Variants in DLGAP3 observed in about 807,000 individuals in gnomAD.
DLGAP3 encodes disks large-associated protein 3.
In DLGAP3, 17 loss-of-function variants were observed where a neutral mutation model predicts 81.2. The ratio of observed to expected loss-of-function variants is 0.21; its 90% confidence interval spans 0.14 to 0.31. The LOEUF (loss-of-function observed/expected upper bound fraction) is 0.31, where lower values mean the gene tolerates loss of function less well. Ranked by LOEUF, DLGAP3 falls within the 10% of genes least tolerant of loss-of-function variation. DLGAP3 has a pLI of 1.00. For missense variants in DLGAP3, 1,124 were observed against 1,388.0 expected (o/e 0.81, Z 3.02); for synonymous variants, 577 against 587.4 (o/e 0.98, Z 0.26).
chr1:34,905,048 C>T lies in DLGAP3; in HGVS notation c.336G>A (p.Lys112=). Residue 112 remains lysine (K), a synonymous_variant, in exon 3 of 12, where the codon AAG becomes AAA. Coordinates refer to ENST00000373347, the MANE Select transcript of DLGAP3 (RefSeq NM_001080418.3). The part of the protein sequence containing the change: ...CEDCVGHPQG[K]GAPRLPPTLL... ...GTGTAGGAGGCAGGCGGGGGGCACC[C>T]TTGCCCTGTGGGTGGCCCACACAGT... 1 of 1,600,774 alleles carries T rather than the reference C, an allele frequency of 6.2e-7. No individual in the cohort carries two copies. Among genetic ancestry groups the T allele is most frequent in the Non-Finnish European group, 8.5e-7 (1 of 1,173,852 alleles).
intron 1 of DLGAP3, among the ~76,000 whole-genome samples, chr1:34,921,036 A>C (rs1639788062): frequency 6.6e-6 from 1 of 152,220 alleles, no homozygotes; most frequent in African/African-American, 2.4e-5. Flanking sequence ...TGAGTTGCCT[A>C]GAGAGCATTT....
chr1:34,897,853 C>G (rs570574610), intron 5 of DLGAP3, among the ~76,000 whole-genome samples: 1 of 152,132 alleles, frequency 6.6e-6, no homozygotes, highest in African/African-American at 2.4e-5. Context: ...GCAGGATCAG[C>G]TGAAGGATTG....
At position 34,873,256 on chromosome 1, in the gene DLGAP3, A is replaced by C. The variant is rs1038918975; in HGVS notation, c.2001-4167T>G. Among the ~76,000 whole-genome samples the C allele has an allele frequency of 2.6e-5, 4 of 152,210 alleles. No homozygotes were observed. The highest frequency in any genetic ancestry group is 9.6e-5 in the African/African-American group (4 of 41,454). ...GCTGGGGTTTGGCTTGGAAGTGGAC[A>C]GAAGTCCCACCAGTTGACCCCAATC... On this transcript the variant is annotated intron_variant, in intron 8 of 11. Transcript: ENST00000373347. The surrounding 1 kb of genome is among the most constrained non-coding windows in gnomAD (Gnocchi z 4.2).
Position 34,868,901 on chromosome 1 carries a change from G to T in DLGAP3, c.2189C>A (p.Thr730Lys). The change falls in exon 9 of 12, where the codon ACG becomes AAG. Residue 730 changes from threonine (T) to lysine (K), a missense_variant. Physicochemically the swap from Thr to Lys is moderately conservative, Grantham distance 78. Coordinates refer to ENST00000373347, the MANE Select transcript of DLGAP3 (RefSeq NM_001080418.3). The surrounding 1 kb of genome is among the most constrained non-coding windows in gnomAD (Gnocchi z 7.5). ...PRAPTYSVFR[T>K]VHTQGQWAYR... Reference sequence around the variant, plus strand: ...GGCCCACTGGCCCTGCGTGTGGACCGTGCGGAAGACTGAGTAGGTGGGGGC... The same window carrying T: ...GGCCCACTGGCCCTGCGTGTGGACCTTGCGGAAGACTGAGTAGGTGGGGGC... 1 of 1,606,160 alleles carries T rather than the reference G, an allele frequency of 6.2e-7. No homozygotes were observed. The highest frequency in any genetic ancestry group is 8.5e-7 in the Non-Finnish European group (1 of 1,179,512).
rs747185481 is a variant in DLGAP3, at chr1:34,868,249, G to A, written c.2485+356C>T. Reference sequence around the variant, plus strand: ...TGCCTCCCTCTCTGTAATCTTGGTCGCACCACCTGGATCCCCACACCAGTC... The same window carrying A: ...TGCCTCCCTCTCTGTAATCTTGGTCACACCACCTGGATCCCCACACCAGTC... On this transcript the variant is annotated intron_variant, in intron 9 of 11. Transcript: ENST00000373347. This position sits in a 1 kb window ranked among gnomAD's most constrained non-coding sequence, Gnocchi z 7.5. Among the ~76,000 whole-genome samples the A allele has an allele frequency of 2.0e-5, 3 of 152,030 alleles. No individual in the cohort carries two copies. The highest frequency in any genetic ancestry group is 1.3e-4 in the Admixed American group (2 of 15,270).
At chr1:34,866,698 T>C (rs1397565071) in intron 11 of DLGAP3, among the ~76,000 whole-genome samples, 2 of 152,058 alleles carry the variant, frequency 1.3e-5, no homozygotes, top group African/African-American at 4.8e-5. Flanking sequence ...CCCTCAAGGC[T>C]CTGCCGTCGA....
At chr1:34,926,783 G>A (rs1384029831) in intron 1 of DLGAP3, among the ~76,000 whole-genome samples, 1 of 152,104 alleles carries the variant, frequency 6.6e-6, no homozygotes, top group Non-Finnish European at 1.5e-5. Context: ...CTAGACTCCT[G>A]GAAGATTTCA....
At chr1:34,899,637 C>T (rs750038790) in intron 5 of DLGAP3, 32 bp downstream of exon 5, 13 of 1,573,162 alleles carry the variant, frequency 8.3e-6, no homozygotes, top group Middle Eastern at 1.7e-4. Flanking sequence ...CTTTTTCACT[C>T]TTTCCTCCAG....
chr1:34,897,328 AG>A (rs1639394724), intron 5 of DLGAP3, among the ~76,000 whole-genome samples: 1 of 152,236 alleles, frequency 6.6e-6, no homozygotes, highest in African/African-American at 2.4e-5. Context: ...CAACAATGAC[AG>A]TACAGGGAAG....
rs368711836 is a variant in DLGAP3 at position 34,881,744 on chromosome 1, AT to A, written c.2000+3233del. On this transcript the variant is annotated intron_variant, in intron 8 of 11. Coordinates refer to ENST00000373347, the MANE Select transcript of DLGAP3 (RefSeq NM_001080418.3). ...GAAAGAATGGAAAATCCATTCATTCATATAATTCACCATGTTACACATGGAA... is the reference window on the plus strand; with the variant it reads ...GAAAGAATGGAAAATCCATTCATTCAATAATTCACCATGTTACACATGGAA... 3.0e-3 allele frequency among the ~76,000 whole-genome samples: 457 copies of A among 152,346 alleles called. 3 individuals are homozygous for A. The highest frequency in any genetic ancestry group is 0.01 in the African/African-American group (431 of 41,590).
In DLGAP3 at chr1:34,905,403, C is replaced by G; in HGVS notation, c.-20G>C. 6.5e-7 allele frequency: 1 copy of G among 1,546,850 alleles called. No individual in the cohort carries two copies. The highest frequency in any genetic ancestry group is 8.7e-7 in the Non-Finnish European group (1 of 1,145,364). ...CCTCATGGCCTCAGCAAAGGCTCTTCATAGTCTTGGGGGCCAGGCCCCAGG... is the reference window on the plus strand; with the variant it reads ...CCTCATGGCCTCAGCAAAGGCTCTTGATAGTCTTGGGGGCCAGGCCCCAGG... On this transcript the variant is annotated 5_prime_UTR_variant, in exon 3 of 12. The change abolishes an upstream ATG in the 5' untranslated region. Coordinates refer to ENST00000373347, the MANE Select transcript of DLGAP3 (RefSeq NM_001080418.3).
intron 8 of DLGAP3, 140 bp from the exon 9 acceptor site, chr1:34,869,229 T>C (rs1050059613): frequency 1.4e-5 from 9 of 655,738 alleles, no homozygotes; most frequent in Admixed American, 5.9e-5. Context: ...TTAAATATAT[T>C]GGTCCTTGCA....
chr1:34,900,301 A>C lies in DLGAP3; in HGVS notation c.1108-28T>G. 2 of 1,601,612 alleles carry C rather than the reference A, an allele frequency of 1.2e-6. No homozygotes were observed. The highest frequency in any genetic ancestry group is 1.7e-5 in the Admixed American group (1 of 60,018). ...GCAGGAACAGGGGTCTCTGTCTCTC[A>C]GACATGACCCTAGTAAATCTAGAGG... On this transcript the variant is annotated intron_variant, in intron 3 of 11. Transcript: ENST00000373347. This position sits in a 1 kb window ranked among gnomAD's most constrained non-coding sequence, Gnocchi z 5.6.
rs1293639300 is a variant in DLGAP3, at chr1:34,896,582, C to CTGTCA, written c.1386+3086_1386+3087insTGACA. On this transcript the variant is annotated intron_variant, in intron 5 of 11. Transcript: ENST00000373347. The stretch of plus-strand genomic sequence containing the variant: ...CTGGCCTGGGCAACAGAGCCAGACT[C>CTGTCA]CATCACACACACACACACACACACA... 4.4e-5 allele frequency among the ~76,000 whole-genome samples: 6 copies of CTGTCA among 137,100 alleles called. No individual in the cohort carries two copies. In the East Asian group the frequency reaches 9.7e-4, roughly 22 times the overall value. 89.9% of individuals were successfully genotyped at this position (137,100 alleles called of 152,430 possible).
intron 5 of DLGAP3, among the ~76,000 whole-genome samples, chr1:34,890,533 T>C (rs1639295756): frequency 6.6e-6 from 1 of 152,246 alleles, no homozygotes; most frequent in Non-Finnish European, 1.5e-5. Flanking sequence ...GACTGTGGCT[T>C]CCATCTTAGA....
chr1:34,916,589 G>A (rs541514623), intron 1 of DLGAP3, among the ~76,000 whole-genome samples: 1 of 152,228 alleles, frequency 6.6e-6, no homozygotes, highest in African/African-American at 2.4e-5. Context: ...AGAAGGATTT[G>A]AATCTGAGTC....
At position 34,873,666 on chromosome 1, in the gene DLGAP3, G is replaced by C. The variant is rs1446399151; in HGVS notation, c.2001-4577C>G. On this transcript the variant is annotated intron_variant, in intron 8 of 11. Coordinates refer to ENST00000373347, the MANE Select transcript of DLGAP3 (RefSeq NM_001080418.3). This position sits in a 1 kb window ranked among gnomAD's most constrained non-coding sequence, Gnocchi z 4.2. ...CTGAGAACCCGGCTAGGGCATTGTAGTTATTAATTATTATGATTGCTGTTG... is the reference window on the plus strand; with the variant it reads ...CTGAGAACCCGGCTAGGGCATTGTACTTATTAATTATTATGATTGCTGTTG... Among the ~76,000 whole-genome samples, 1 of 152,184 alleles carries C rather than the reference G, an allele frequency of 6.6e-6. No homozygotes were observed. The highest frequency in any genetic ancestry group is 1.5e-5 in the Non-Finnish European group (1 of 68,032).
At position 34,885,047 on chromosome 1, in the gene DLGAP3, T is replaced by C. The variant is rs775032756; in HGVS notation, c.1931A>G (p.Asp644Gly). 3.7e-6 allele frequency: 6 copies of C among 1,613,094 alleles called. No individual in the cohort carries two copies. The highest frequency in any genetic ancestry group is 3.4e-6 in the Non-Finnish European group (4 of 1,179,854). ...SIGVQVETIS[D>G]SDTENRSRRE... Reference sequence around the variant, plus strand: ...CCGGCTCCTGTTCTCGGTGTCCGAATCTGAGATCGTCTCCACCTGGTGGCA... The same window carrying C: ...CCGGCTCCTGTTCTCGGTGTCCGAACCTGAGATCGTCTCCACCTGGTGGCA... Residue 644 changes from aspartate to glycine, a missense_variant, in exon 8 of 12, where the codon GAT (aspartate) becomes GGT (glycine). By Grantham distance (94) the Asp-to-Gly change is moderately conservative. Around this residue, in one of 9 missense-constraint regions of DLGAP3, gnomAD observed 379 missense variants for 455.7 expected, o/e 0.83. Transcript: ENST00000373347.
chr1:34,893,470 T>C (rs1387416091), intron 5 of DLGAP3, among the ~76,000 whole-genome samples: 6 of 152,212 alleles, frequency 3.9e-5, no homozygotes, highest in Non-Finnish European at 8.8e-5. Flanking sequence ...CCAGAAATGG[T>C]AAATATGTGA....
Sources: gnomAD v4.1 joint callset for allele counts (sites outside exome capture counted in the v4.1 genomes callset) on GRCh38, gnomAD v4.1.1 for gene constraint, gnomAD v4.1.1 regional missense constraint, Gnocchi (gnomAD v3.1) non-coding constraint, MANE v1.5 for transcripts, NCBI Gene and HGNC (gene_info 2026-07-23, HGNC 2026-07-21) for gene names.